Variants in UBAC2 observed in about 807,000 individuals in gnomAD.
The protein encoded by UBAC2 is UBA domain containing 2, also known as ubiquitin-associated domain-containing protein 2.
UBAC2 carries 26 observed loss-of-function variants against 44.0 expected under a neutral mutation model. The ratio of observed to expected loss-of-function variants is 0.59; its 90% confidence interval spans 0.43 to 0.82. The LOEUF is 0.82. Ranked by LOEUF, UBAC2 falls within the 40% of genes least tolerant of loss-of-function variation. The pLI is 0.00. For synonymous variants in UBAC2, 155 were observed against 154.3 expected (o/e 1.00, Z -0.04); for missense variants, 329 against 419.4 (o/e 0.78, Z 1.88).
At chr13:99,259,639 A>G (rs1798062470) in intron 4 of UBAC2, among the ~76,000 whole-genome samples, 1 of 152,200 alleles carries the variant, frequency 6.6e-6, no homozygotes, top group East Asian at 1.9e-4. Flanking sequence ...TTATGGCTGA[A>G]TCACATTCAT....
At chr13:99,347,427 T>C (rs1036014911) in intron 7 of UBAC2, among the ~76,000 whole-genome samples, 6 of 144,030 alleles carry the variant, frequency 4.2e-5, no homozygotes, top group African/African-American at 1.6e-4. Flanking sequence ...GGTGGAGAGA[T>C]GGGGATGAGA....
At chr13:99,340,732 G>GT (rs1236141156) in intron 7 of UBAC2, among the ~76,000 whole-genome samples, 167 bp downstream of exon 7, 2 of 152,120 alleles carry the variant, frequency 1.3e-5, no homozygotes, top group Non-Finnish European at 2.9e-5. Flanking sequence ...GCCATTCTTA[G>GT]TTTTTTAAAA....
At position 99,318,048 on chromosome 13, in the gene UBAC2, G is replaced by A; in HGVS notation, c.540G>A (p.Trp180Ter). 6.2e-7 allele frequency: 1 copy of A among 1,611,014 alleles called. No individual in the cohort carries two copies. The highest frequency in any genetic ancestry group is 8.5e-7 in the Non-Finnish European group (1 of 1,178,892). ...TTTTCACCTCTGGTTCCTACATCTG[G>A]ATTGTAGCCATAAGTGGACTTGTAA... is the stretch of plus-strand genomic sequence containing the variant. ...LQLFTSGSYI[W>*]IVAISGLMSG... The change falls in exon 6 of 9, where the codon TGG (tryptophan) becomes TGA (stop). Residue 180 changes from tryptophan to a stop codon, truncating the protein, a stop_gained. Transcript: ENST00000403766. LOFTEE classifies it high-confidence loss of function.
In UBAC2 at chr13:99,250,651, T is replaced by G. The variant is rs2043446854; in HGVS notation, c.389+6027T>G. Among the ~76,000 whole-genome samples the G allele has an allele frequency of 1.3e-5, 2 of 152,244 alleles. 1 individual carries two copies. Among genetic ancestry groups the G allele is most frequent in the Non-Finnish European group, 2.9e-5 (2 of 68,044 alleles). On this transcript the variant is annotated intron_variant, in intron 4 of 8. Transcript: ENST00000403766. ...TAGGAATAGCCTTAAATCTGTAGAT[T>G]GCTTTGGTCAGTATGGCCATTTTAA...
intron 8 of UBAC2, among the ~76,000 whole-genome samples, chr13:99,375,877 C>T (rs2045473732): frequency 7.2e-6 from 1 of 139,798 alleles, no homozygotes; most frequent in African/African-American, 2.7e-5. Context: ...TATCATGGCT[C>T]ACCGCAACCT....
At position 99,255,171 on chromosome 13, in the gene UBAC2, G is replaced by A. The variant is rs767428640; in HGVS notation, c.389+10547G>A. The A allele has an allele frequency of 2.5e-6, 4 of 1,614,098 alleles. No individual in the cohort carries two copies. In the South Asian group the frequency reaches 4.4e-5, roughly 18 times the overall value. ...CGAGCACCTGCACCAGCAGCGTGATGATGATCCTTATGGACTTCTCCTTGA... is the reference window on the plus strand; with the variant it reads ...CGAGCACCTGCACCAGCAGCGTGATAATGATCCTTATGGACTTCTCCTTGA... On this transcript the variant is annotated intron_variant, in intron 4 of 8. Coordinates refer to ENST00000403766, the MANE Select transcript of UBAC2 (RefSeq NM_001144072.2).
At chr13:99,299,146 G>A (rs1015053414) in intron 4 of UBAC2, among the ~76,000 whole-genome samples, 12 of 152,304 alleles carry the variant, frequency 7.9e-5, no homozygotes, top group African/African-American at 2.2e-4. Context: ...GTATACAAAT[G>A]CGTGTCTGAC....
At chr13:99,221,668 A>G (rs1166375882) in intron 1 of UBAC2, among the ~76,000 whole-genome samples, 1 of 152,166 alleles carries the variant, frequency 6.6e-6, no homozygotes, top group South Asian at 2.1e-4. Context: ...AAGCTGATGG[A>G]TAAAAATGCT....
At chr13:99,283,587 A>G (rs899608676) in intron 4 of UBAC2, among the ~76,000 whole-genome samples, 2 of 152,122 alleles carry the variant, frequency 1.3e-5, no homozygotes, top group African/African-American at 4.8e-5. Context: ...GCTGTGTTCT[A>G]CATGAGAAAG....
intron 4 of UBAC2, among the ~76,000 whole-genome samples, chr13:99,250,224 A>G (rs1391904851): frequency 2.0e-5 from 3 of 152,060 alleles, no homozygotes; most frequent in Non-Finnish European, 4.4e-5. Context: ...ATCCATCTTG[A>G]ATTAATTTTT....
intron 6 of UBAC2, 97 bp downstream of exon 6, chr13:99,318,166 C>G: frequency 1.9e-6 from 2 of 1,057,696 alleles, no homozygotes; most frequent in Non-Finnish European, 2.7e-6. Context: ...ATTCAACTGT[C>G]TCACCATTCT....
intron 4 of UBAC2, chr13:99,254,953 AGGTAATTAC>A (rs1480425684): frequency 1.9e-6 from 3 of 1,613,884 alleles, no homozygotes. Flanking sequence ...CATGCTTCGA[AGGTAATTAC>A]GGTATAGCAT....
chr13:99,221,095 G>A (rs2043047819), intron 1 of UBAC2, among the ~76,000 whole-genome samples: 1 of 151,916 alleles, frequency 6.6e-6, no homozygotes, highest in South Asian at 2.1e-4. Context: ...CCATTTTTAT[G>A]GATAGAACAT....
intron 8 of UBAC2, among the ~76,000 whole-genome samples, chr13:99,383,471 C>G (rs1037123189): frequency 1.3e-5 from 2 of 152,238 alleles, no homozygotes; most frequent in Non-Finnish European, 2.9e-5. Flanking sequence ...TGCCTTTGCT[C>G]TACGCTGTCC....
intron 1 of UBAC2, among the ~76,000 whole-genome samples, chr13:99,237,279 C>CAT (rs1361647426): frequency 2.0e-5 from 3 of 150,960 alleles, no homozygotes; most frequent in Non-Finnish European, 1.5e-5. Context: ...TATACACACA[C>CAT]ACACACACAC....
At chr13:99,294,837 C>T in intron 4 of UBAC2, 2 of 409,182 alleles carry the variant, frequency 4.9e-6, no homozygotes, top group Non-Finnish European at 8.6e-6. Flanking sequence ...TATTCGTTTA[C>T]AAATAAAAAT....
intron 1 of UBAC2, among the ~76,000 whole-genome samples, chr13:99,223,540 C>CTTTTTTT (rs1217614346): frequency 2.9e-5 from 1 of 34,914 alleles, no homozygotes; most frequent in African/African-American, 1.0e-4. Context: ...TTCTCTTTTT[C>CTTTTTTT]TGTTTTTTTT....
chr13:99,286,614 A>G (rs1018547267), intron 4 of UBAC2, among the ~76,000 whole-genome samples: 2 of 152,084 alleles, frequency 1.3e-5, no homozygotes, highest in African/African-American at 4.8e-5. Context: ...GGTAGTGACC[A>G]TAGTACCCCA....
chr13:99,348,870 G>A (rs2138851161), intron 7 of UBAC2, among the ~76,000 whole-genome samples: 1 of 152,274 alleles, frequency 6.6e-6, no homozygotes, highest in African/African-American at 2.4e-5. Context: ...TAAATCAGCT[G>A]GGCGTGGTGG....
Sources: allele counts gnomAD v4.1 joint callset (sites outside exome capture counted in the v4.1 genomes callset), GRCh38; gene constraint gnomAD v4.1.1; transcripts MANE v1.5; gene names NCBI Gene and HGNC (gene_info 2026-07-23, HGNC 2026-07-21).